The following C4orf54 variants were observed in gnomAD, a reference collection of about 807,000 sequenced individuals.
C4orf54 encodes the protein chromosome 4 open reading frame 54, also known as uncharacterized protein C4orf54.
In C4orf54, 67 loss-of-function variants were observed where a neutral mutation model predicts 80.1. The ratio of observed to expected loss-of-function variants is 0.84; its 90% confidence interval spans 0.69 to 1.03. The LOEUF (loss-of-function observed/expected upper bound fraction) is 1.03. Among genes scored for constraint, C4orf54 ranks in the 50% least tolerant of loss-of-function variants. The probability of loss-of-function intolerance (pLI) is 0.00; values close to 1 mark genes in which losing one functional copy is unlikely to be tolerated. For synonymous variants in C4orf54, 1,000 were observed against 917.0 expected (o/e 1.09, Z -1.64); for missense variants, 2,434 against 2,253.5 (o/e 1.08, Z -1.62).
chr4:99,645,071 C>T (rs1196761158), intron 2 of C4orf54, among the ~76,000 whole-genome samples: 1 of 151,828 alleles, frequency 6.6e-6, no homozygotes, highest in Non-Finnish European at 1.5e-5. Context: ...GACCCCATCT[C>T]TAAAAAAGAA....
intron 1 of C4orf54, among the ~76,000 whole-genome samples, chr4:99,656,389 C>T (rs1726978338): frequency 6.6e-6 from 1 of 151,822 alleles, no homozygotes; most frequent in South Asian, 2.1e-4. Context: ...AAGCAATTCT[C>T]GTACCTCAGC....
Position 99,651,644 on chromosome 4 carries a change from T to A in C4orf54, c.3005A>T (p.Lys1002Met). Residue 1002 changes from lysine to methionine, a missense_variant, in exon 2 of 3, where the codon AAG (lysine) becomes ATG (methionine). By Grantham distance (95) the Lys-to-Met change is moderately conservative. Transcript: ENST00000511828. ...VPNIQQTPKD[K>M]QPRKQATKYP... is the part of the protein sequence containing the mutation. ...CTTGGTGGCCTGCTTCCTCGGCTGC[T>A]TGTCCTTGGGTGTCTGCTGGATGTT... 4 of 1,536,120 alleles carry A rather than the reference T, an allele frequency of 2.6e-6. No individual in the cohort carries two copies. The highest frequency in any genetic ancestry group is 8.7e-7 in the Non-Finnish European group (1 of 1,146,902).
Position 99,654,101 on chromosome 4 carries a change from T to G in C4orf54, c.548A>C (p.Lys183Thr), listed in dbSNP as rs1726932663. ...ELKQQLWPLP[K>T]PSASSQREAK... is the part of the protein sequence containing the mutation. ...TTCTCGCTGGGAGGAGGCTGAAGGC[T>G]TGGGAAGTGGCCACAGCTGCTGCTT... Residue 183 changes from lysine to threonine, a missense_variant, in exon 2 of 3, where the codon AAG becomes ACG. Lys to Thr is a moderately conservative substitution (Grantham distance 78). Coordinates refer to ENST00000511828, the MANE Select transcript of C4orf54 (RefSeq NM_001354435.2). 1.3e-6 allele frequency: 2 copies of G among 1,536,144 alleles called. No individual in the cohort carries two copies. Among genetic ancestry groups the G allele is most frequent in the Non-Finnish European group, 1.7e-6 (2 of 1,146,910 alleles).
rs1013997753 is a variant in C4orf54, at chr4:99,651,987, C to T, written c.2662G>A (p.Gly888Arg). 2 of 1,536,034 alleles carry T rather than the reference C, an allele frequency of 1.3e-6. No homozygotes were observed. Among genetic ancestry groups the T allele is most frequent in the Non-Finnish European group, 8.7e-7 (1 of 1,146,916 alleles). ...GGAGATTTGGAGCCCGCCACGGACCCCTCCCCGCCCGCGTCGGACATGCTG... is the reference window on the plus strand; with the variant it reads ...GGAGATTTGGAGCCCGCCACGGACCTCTCCCCGCCCGCGTCGGACATGCTG... ...VVSMSDAGGEGSVAGSKSPVF... is the reference protein window; with the variant it reads ...VVSMSDAGGERSVAGSKSPVF... The change falls in exon 2 of 3, where the codon GGG (glycine) becomes AGG (arginine). Residue 888 changes from glycine to arginine, a missense_variant. Transcript: ENST00000511828.
chr4:99,650,096 C>G lies in C4orf54; in HGVS notation c.4553G>C (p.Ser1518Thr), dbSNP rs1057034546. 2 of 1,535,880 alleles carry G rather than the reference C, an allele frequency of 1.3e-6. No homozygotes were observed. The highest frequency in any genetic ancestry group is 2.7e-5 in the African/African-American group (2 of 73,044). The change falls in exon 2 of 3, where the codon AGC becomes ACC. Residue 1518 changes from serine to threonine, a missense_variant. Physicochemically the swap from Ser to Thr is moderately conservative, Grantham distance 58. Coordinates refer to ENST00000511828, the MANE Select transcript of C4orf54 (RefSeq NM_001354435.2). Reference sequence around the variant, plus strand: ...TCCACTAACCTGAGAGCCTTTGGAGCTACTGGGGACCTGACTGCGGGCACT... The same window carrying G: ...TCCACTAACCTGAGAGCCTTTGGAGGTACTGGGGACCTGACTGCGGGCACT... ...PLSARSQVPS[S>T]SKGSQVSGTS...
chr4:99,654,971 T>C (rs933250182), intron 1 of C4orf54, among the ~76,000 whole-genome samples: 9 of 152,208 alleles, frequency 5.9e-5, no homozygotes, highest in Non-Finnish European at 1.3e-4. Flanking sequence ...AAAATTCAAA[T>C]TTTTCACGCA....
In C4orf54 at chr4:99,639,194, A is replaced by G. The variant is rs891899239; in HGVS notation, c.*2039T>C. 1 of 152,138 alleles carries G rather than the reference A, an allele frequency of 6.6e-6. No homozygotes were observed. The allele number at this position is 152,138 out of a possible 1,614,324, so 9.4% of individuals were successfully genotyped here. A position where few individuals can be genotyped will look rare whatever the true frequency, so the allele number is the denominator to read the frequency against. ...TCGCATTTGGCTTTAAACCAGTCTT[A>G]ACAATTTTGGTACTATCCACCCAAA... On this transcript the variant is annotated 3_prime_UTR_variant, in exon 3 of 3. Transcript: ENST00000511828.
rs920191376 is a variant in C4orf54, at chr4:99,650,698, A to T, written c.3951T>A (p.Gly1317=). ...TTCCTGTGCCCCGCTCTTCCACCTC[A>T]CCCAGCCGTTTGGACAGCTTGTCGT... is the stretch of plus-strand genomic sequence containing the variant. ...GDHDKLSKRL[G]EVEERGTGNK... Residue 1317 remains glycine (G), a synonymous_variant, in exon 2 of 3, where the codon GGT becomes GGA. Transcript: ENST00000511828. 21 of 1,535,688 alleles carry T rather than the reference A, an allele frequency of 1.4e-5. No homozygotes were observed. The Admixed American group carries it at 2.4e-4, about 17-fold the overall frequency.
Position 99,652,021 on chromosome 4 carries a change from G to T in C4orf54, c.2628C>A (p.Tyr876Ter), listed in dbSNP as rs2110255075. 1 of 1,536,144 alleles carries T rather than the reference G, an allele frequency of 6.5e-7. No individual in the cohort carries two copies. The change falls in exon 2 of 3, where the codon TAC (tyrosine) becomes TAA (stop). Residue 876 changes from tyrosine (Y) to a stop codon, truncating the protein, a stop_gained. Coordinates refer to ENST00000511828, the MANE Select transcript of C4orf54 (RefSeq NM_001354435.2). LOFTEE classifies it high-confidence loss of function. ...CCGCGTCGGACATGCTGACCACTGT[G>T]TACTCGGAGCCGGCCTCGGAGTGAC... The part of the protein sequence containing the change: ...SSRHSEAGSE[Y>*]TVVSMSDAGG...
rs769092348 is a variant in C4orf54, at chr4:99,650,455, G to A, written c.4194C>T (p.Phe1398=). ...LPPLPSNRNV[F]TVSASSIQKT... is the part of the protein sequence containing the mutation. ...TCTGGATGCTGCTGGCACTCACTGTGAACACGTTCCGGTTGCTGGGGAGTG... is the reference window on the plus strand; with the variant it reads ...TCTGGATGCTGCTGGCACTCACTGTAAACACGTTCCGGTTGCTGGGGAGTG... The change falls in exon 2 of 3, where the codon TTC becomes TTT. Residue 1398 remains phenylalanine, a synonymous_variant. Coordinates refer to ENST00000511828, the MANE Select transcript of C4orf54 (RefSeq NM_001354435.2). 13 of 1,535,754 alleles carry A rather than the reference G, an allele frequency of 8.5e-6. No homozygotes were observed. The African/African-American group carries it at 1.8e-4, about 21-fold the overall frequency.
At position 99,651,598 on chromosome 4, in the gene C4orf54, G is replaced by T; in HGVS notation, c.3051C>A (p.Thr1017=). ...QATKYPAAQA[T]STAVIRPKAP... ...CCTTGGGTCTGATCACCGCTGTGGA[G>T]GTGGCCTGAGCAGCAGGGTACTTGG... The change falls in exon 2 of 3, where the codon ACC becomes ACA. Residue 1017 remains threonine, a synonymous_variant. Coordinates refer to ENST00000511828, the MANE Select transcript of C4orf54 (RefSeq NM_001354435.2). 5.2e-6 allele frequency: 8 copies of T among 1,536,138 alleles called. No homozygotes were observed. The highest frequency in any genetic ancestry group is 7.0e-6 in the Non-Finnish European group (8 of 1,146,906).
chr4:99,637,784 C>G lies in C4orf54; in HGVS notation c.*3449G>C, dbSNP rs569794226. 2 of 152,206 alleles carry G rather than the reference C, an allele frequency of 1.3e-5. No homozygotes were observed. Among genetic ancestry groups the G allele is most frequent in the Non-Finnish European group, 2.9e-5 (2 of 67,996 alleles). The allele number at this position is 152,206 out of a possible 1,614,324, so 9.4% of individuals were successfully genotyped here. On this transcript the variant is annotated 3_prime_UTR_variant, in exon 3 of 3. Coordinates refer to ENST00000511828, the MANE Select transcript of C4orf54 (RefSeq NM_001354435.2). ...TGAGAATTTGGGGTGCAAACCTACACCTTGTAAACTGTAGAATGAAACTCC... is the reference window on the plus strand; with the variant it reads ...TGAGAATTTGGGGTGCAAACCTACAGCTTGTAAACTGTAGAATGAAACTCC...
In C4orf54 at chr4:99,649,752, G is replaced by T. The variant is rs908806358; in HGVS notation, c.4897C>A (p.Arg1633=). 2 of 1,536,198 alleles carry T rather than the reference G, an allele frequency of 1.3e-6. No individual in the cohort carries two copies. The highest frequency in any genetic ancestry group is 2.4e-5 in the East Asian group (1 of 40,916). Residue 1633 remains arginine, a synonymous_variant, in exon 2 of 3, where the codon CGG becomes AGG. Transcript: ENST00000511828. ...LVDTPVQPMT[R]RLFDPETGQY... is the part of the protein sequence containing the mutation. ...CCTGTCTCAGGGTCAAACAGTCTCC[G>T]GGTCATGGGCTGTACTGGTGTGTCC...
In C4orf54 at chr4:99,650,012, G is replaced by T; in HGVS notation, c.4637C>A (p.Pro1546His). 3.9e-6 allele frequency: 6 copies of T among 1,535,278 alleles called. No individual in the cohort carries two copies. Among genetic ancestry groups the T allele is most frequent in the South Asian group, 1.2e-5 (1 of 84,028 alleles). ...ATGCTCGGGGCTCTGTGGCCCTGGG[G>T]GGGCAGCTACTGTCTCCCGGGGGTT... The part of the protein sequence containing the change: ...PDNPRETVAA[P>H]PGPQSPEHPP... Residue 1546 changes from proline (P) to histidine (H), a missense_variant, in exon 2 of 3, where the codon CCC becomes CAC. Transcript: ENST00000511828.
chr4:99,656,287 T>C (rs992518208), intron 1 of C4orf54, among the ~76,000 whole-genome samples: 1 of 151,980 alleles, frequency 6.6e-6, no homozygotes, highest in Non-Finnish European at 1.5e-5. Context: ...TTAGTTTTTT[T>C]TTTTTCTTTT....
chr4:99,648,554 A>AGGGTGTGTGTGTGT (rs1553930080), intron 2 of C4orf54, among the ~76,000 whole-genome samples: 1 of 145,740 alleles, frequency 6.9e-6, no homozygotes. Flanking sequence ...TAGAGAACAA[A>AGGGTGTGTGTGTGT]GTGTGTGTGT....
Position 99,652,736 on chromosome 4 carries a change from T to G in C4orf54, c.1913A>C (p.Tyr638Ser). 6.5e-7 allele frequency: 1 copy of G among 1,536,046 alleles called. No individual in the cohort carries two copies. The highest frequency in any genetic ancestry group is 8.7e-7 in the Non-Finnish European group (1 of 1,146,864). Residue 638 changes from tyrosine to serine, a missense_variant, in exon 2 of 3, where the codon TAC (tyrosine) becomes TCC (serine). Transcript: ENST00000511828. ...GGAGCTGATGTTCAGAGCCTCAAAG[T>G]AGGGGTAAGCCAGGCTCCGGAAGGC... ...SRAFRSLAYP[Y>S]FEALNISSRE...
Position 99,649,411 on chromosome 4 carries a change from T to A in C4orf54, c.5238A>T (p.Thr1746=). The change falls in exon 2 of 3, where the codon ACA becomes ACT. Residue 1746 remains threonine, a synonymous_variant. Coordinates refer to ENST00000511828, the MANE Select transcript of C4orf54 (RefSeq NM_001354435.2). ...AGGCCTTGGCCCCTAGGAGCTGGGATGTGGCTGCTGGGGCTGAGGAGGTTG... is the reference window on the plus strand; with the variant it reads ...AGGCCTTGGCCCCTAGGAGCTGGGAAGTGGCTGCTGGGGCTGAGGAGGTTG... ...ASSTSSAPAA[T]SQLLGAKAFA... is the part of the protein sequence containing the mutation. The A allele has an allele frequency of 6.5e-7, 1 of 1,536,120 alleles. No individual in the cohort carries two copies. The highest frequency in any genetic ancestry group is 8.7e-7 in the Non-Finnish European group (1 of 1,146,894).
chr4:99,654,460 G>C lies in C4orf54; in HGVS notation c.189C>G (p.Ser63=). The C allele has an allele frequency of 1.4e-6, 1 of 713,414 alleles. No individual in the cohort carries two copies. Among genetic ancestry groups the C allele is most frequent in the South Asian group, 1.5e-5 (1 of 67,782 alleles). The allele number at this position is 713,414 out of a possible 1,614,324, so 44.2% of individuals were successfully genotyped here. A position where few individuals can be genotyped will look rare whatever the true frequency, so the allele number is the denominator to read the frequency against. Residue 63 remains serine (S), a synonymous_variant, in exon 2 of 3, where the codon TCC becomes TCG. Transcript: ENST00000511828. ...TGGGAAGGCTCCTGGATGAGGCGGT[G>C]GAGGTGGTCTGTGGCTGGGGGGCTG... ...GAAAPQPQTT[S]TASSRSLPTS... is the part of the protein sequence containing the mutation.
Sources: allele counts gnomAD v4.1 joint callset (sites outside exome capture counted in the v4.1 genomes callset), GRCh38; gene constraint gnomAD v4.1.1; transcripts MANE v1.5; gene names NCBI Gene and HGNC (gene_info 2026-07-23, HGNC 2026-07-21).